The following RAD52 variants were observed in gnomAD, a reference collection of about 807,000 sequenced individuals.
RAD52 encodes the protein RAD52 DNA repair protein.
Under a neutral mutation model 55.5 loss-of-function variants are expected in RAD52, and 47 were observed. The ratio of observed to expected loss-of-function variants is 0.85; its 90% CI spans 0.67 to 1.08. The LOEUF is 1.08. Among genes scored for constraint, RAD52 ranks in the 50% least tolerant of loss-of-function variants. RAD52 has a pLI of 0.00. For synonymous variants in RAD52, 184 were observed against 198.9 expected (o/e 0.92, Z 0.63); for missense variants, 468 against 522.8 (o/e 0.90, Z 1.02).
chr12:959,396 AT>A (rs1185914027), intron 1 of RAD52, among the ~76,000 whole-genome samples: 1 of 152,194 alleles, frequency 6.6e-6, no homozygotes, highest in Non-Finnish European at 1.5e-5. Flanking sequence ...CTAAGAATAC[AT>A]TTGTGAATGA....
chr12:935,576 G>A (rs1374402974), intron 1 of RAD52, among the ~76,000 whole-genome samples: 1 of 151,630 alleles, frequency 6.6e-6, no homozygotes, highest in Admixed American at 6.6e-5. Context: ...AGACAGGGCC[G>A]GGCGTGGTGG....
At chr12:939,494 T>C (rs778533953) in intron 1 of RAD52, among the ~76,000 whole-genome samples, 10 of 152,102 alleles carry the variant, frequency 6.6e-5, no homozygotes, top group Non-Finnish European at 1.0e-4. Flanking sequence ...CAGGATGAAG[T>C]GTCAGGAAAG....
intron 1 of RAD52, among the ~76,000 whole-genome samples, chr12:959,992 G>C (rs1370181561): frequency 1.3e-5 from 2 of 152,162 alleles, no homozygotes; most frequent in Non-Finnish European, 1.5e-5. Flanking sequence ...TTCGGTAATG[G>C]GTCAAAGGGA....
chr12:958,383 T>C (rs955814425), intron 1 of RAD52, among the ~76,000 whole-genome samples: 1 of 151,970 alleles, frequency 6.6e-6, no homozygotes, highest in African/African-American at 2.4e-5. Flanking sequence ...ACCCGGTTAA[T>C]TTTTGTATTT....
intron 7 of RAD52, among the ~76,000 whole-genome samples, chr12:921,702 G>GATGAA (rs1365728646): frequency 1.1e-4 from 16 of 151,640 alleles, no homozygotes; most frequent in African/African-American, 3.6e-4. Context: ...GATGAGATGA[G>GATGAA]ATGAGATGAA....
At chr12:936,134 T>A (rs1023424267) in intron 1 of RAD52, among the ~76,000 whole-genome samples, 1 of 151,800 alleles carries the variant, frequency 6.6e-6, no homozygotes, top group East Asian at 2.0e-4. Context: ...TGAAACCCCA[T>A]CTCTACTAAA....
At chr12:973,766 A>C (rs964275297) in intron 1 of RAD52, among the ~76,000 whole-genome samples, 1 of 142,662 alleles carries the variant, frequency 7.0e-6, no homozygotes, top group African/African-American at 2.7e-5. Context: ...GGCATGAGCC[A>C]CCACGCCCAG....
At chr12:940,980 G>T (rs543880903) in intron 1 of RAD52, among the ~76,000 whole-genome samples, 1 of 152,266 alleles carries the variant, frequency 6.6e-6, no homozygotes, top group East Asian at 1.9e-4. Context: ...AAAGAGAATG[G>T]AACAGAAGAA....
intron 7 of RAD52, among the ~76,000 whole-genome samples, chr12:919,372 C>T (rs1273514906): frequency 2.0e-5 from 3 of 151,544 alleles, no homozygotes; most frequent in African/African-American, 7.3e-5. Flanking sequence ...CTTGAACCCA[C>T]GAGGCAGAGG....
In RAD52 at chr12:949,595, C is replaced by G. The variant is rs549103713; in HGVS notation, c.-19+7G>C. The G allele has an allele frequency of 6.6e-6, 1 of 152,476 alleles. No individual in the cohort carries two copies. The highest frequency in any genetic ancestry group is 3.2e-3 in the Middle Eastern group (1 of 316). 9.4% of individuals were successfully genotyped at this position (152,476 alleles called of 1,614,324 possible). The stretch of plus-strand genomic sequence containing the variant: ...CCCGGGGGAAGCCGCTCTCCTCCCC[C>G]ACTTACGCGCCTCGGGCAGCGCGCG... On this transcript the variant is annotated splice_region_variant and intron_variant, in intron 1 of 11. Transcript: ENST00000358495.
At chr12:918,313 G>A (rs1956520117) in intron 7 of RAD52, among the ~76,000 whole-genome samples, 1 of 152,206 alleles carries the variant, frequency 6.6e-6, no homozygotes, top group Admixed American at 6.5e-5. Flanking sequence ...CAACCATGCT[G>A]AATTCAAGTA....
intron 6 of RAD52, 40 bp from the exon 7 acceptor site, chr12:925,565 TTGTTACACATGAA>T (rs1275667993): frequency 2.1e-6 from 3 of 1,460,780 alleles, no homozygotes; most frequent in Non-Finnish European, 1.9e-6. Context: ...GGGTTAAGAA[TTGTTACACATGAA>T]TATCAGAGAA....
chr12:948,089 CAA>C (rs1958356387), intron 1 of RAD52, among the ~76,000 whole-genome samples: 1 of 151,116 alleles, frequency 6.6e-6, no homozygotes, highest in Admixed American at 6.6e-5. Context: ...AATGGAGAAA[CAA>C]AATGTGGTAT....
intron 1 of RAD52, 148 bp from the exon 2 acceptor site, chr12:933,224 C>A (rs909393260): frequency 7.1e-6 from 4 of 561,238 alleles, no homozygotes; most frequent in Non-Finnish European, 1.3e-5. Context: ...TTTGGGAGGC[C>A]GAGGTGGGTG....
At chr12:965,858 T>G (rs1014892768) in intron 1 of RAD52, among the ~76,000 whole-genome samples, 1 of 152,060 alleles carries the variant, frequency 6.6e-6, no homozygotes, top group Admixed American at 6.5e-5. Flanking sequence ...GGCTAATTTT[T>G]GTATTTTTAG....
At chr12:934,328 T>C (rs975502705) in intron 1 of RAD52, among the ~76,000 whole-genome samples, 6 of 151,848 alleles carry the variant, frequency 4.0e-5, no homozygotes, top group Admixed American at 6.6e-5. Context: ...CCGGGTGTGG[T>C]AGTGCGAGCC....
At chr12:967,004 T>C (rs1033771224) in intron 1 of RAD52, among the ~76,000 whole-genome samples, 4 of 152,098 alleles carry the variant, frequency 2.6e-5, no homozygotes, top group African/African-American at 9.7e-5. Flanking sequence ...GGGTGGAATG[T>C]GTTCACTTCC....
chr12:945,495 G>A (rs1458043268), intron 1 of RAD52, among the ~76,000 whole-genome samples: 5 of 150,884 alleles, frequency 3.3e-5, no homozygotes, highest in South Asian at 2.1e-4. Context: ...GTACAGTGGC[G>A]CAATCTCAGC....
In RAD52 at chr12:912,746, C is replaced by A. The variant is rs11571478; in HGVS notation, c.*645G>T. 0.32 allele frequency: 30,793 copies of A among 95,468 alleles called. 5,158 individuals carry two copies. Among genetic ancestry groups the A allele is most frequent in the Non-Finnish European group, 0.38 (18,775 of 49,830 alleles). 5.9% of individuals were successfully genotyped at this position (95,468 alleles called of 1,614,324 possible). A position where few individuals can be genotyped will look rare whatever the true frequency, so the allele number is the denominator to read the frequency against. ...TCAAAAAAAAAAAAAAAAAAAAAAA[C>A]AAAAAACAGCCTTTTTTCGTGGTCT... is the stretch of plus-strand genomic sequence containing the variant. On this transcript the variant is annotated 3_prime_UTR_variant, in exon 12 of 12. Transcript: ENST00000358495.
Sources: allele counts gnomAD v4.1 joint callset (sites outside exome capture counted in the v4.1 genomes callset), GRCh38; gene constraint gnomAD v4.1.1; transcripts MANE v1.5; gene names NCBI Gene and HGNC (gene_info 2026-07-23, HGNC 2026-07-21).